ZNF487: variants seen among roughly 807,000 people sequenced by gnomAD.
ZNF487 encodes the protein KRAB domain only 1.
A neutral mutation model predicts 3.0 loss-of-function variants in ZNF487; 4 were observed. The ratio of observed to expected loss-of-function variants is 1.35; its 90% CI spans 0.66 to 3.08. ZNF487 has a LOEUF of 3.08. Ranked by LOEUF, ZNF487 falls within the 30% of genes most tolerant of loss-of-function variation. The probability of loss-of-function intolerance (pLI) is 0.01; values close to 1 mark genes in which losing one functional copy is unlikely to be tolerated. For synonymous variants in ZNF487, 55 were observed against 34.6 expected (o/e 1.59, Z -2.06); for missense variants, 146 against 98.7 (o/e 1.48, Z -2.03).
the ZNF487 span, among the ~76,000 whole-genome samples, chr10:43,498,556 G>A: frequency 3.3e-5 from 5 of 150,894 alleles, no homozygotes; most frequent in Non-Finnish European, 7.4e-5. Context: ...AGGAATACAT[G>A]CGTGAGCCAC....
At chr10:43,510,465 C>T in the ZNF487 span, among the ~76,000 whole-genome samples, 3 of 152,236 alleles carry the variant, frequency 2.0e-5, no homozygotes, top group Non-Finnish European at 2.9e-5. Context: ...GCATACTCTT[C>T]CTTACCTCCA....
At chr10:43,480,608 G>A (rs1302287448) in intron 3 of ZNF487, among the ~76,000 whole-genome samples, 2 of 151,854 alleles carry the variant, frequency 1.3e-5, no homozygotes, top group African/African-American at 2.4e-5. Flanking sequence ...TAGAGATGGG[G>A]TTTTGCCATG....
chr10:43,513,268 C>T, the ZNF487 span, among the ~76,000 whole-genome samples: 1 of 152,216 alleles, frequency 6.6e-6, no homozygotes, highest in Non-Finnish European at 1.5e-5. Context: ...CAGCTGAAGG[C>T]AAATTGCTTT....
chr10:43,507,485 C>T, the ZNF487 span, among the ~76,000 whole-genome samples: 45 of 152,312 alleles, frequency 3.0e-4, no homozygotes, highest in African/African-American at 9.9e-4. Context: ...CTCCTGGTGT[C>T]TAAGAGCATG....
In ZNF487 at chr10:43,479,852, T is replaced by C. The variant is rs145570548; in HGVS notation, c.131-1577T>C. ...TTGTATTGTTACTAGAGACGGGGTT[T>C]GCCGTGTTGGCAAGGCTGGTTTCAA... On this transcript the variant is annotated intron_variant, in intron 3 of 3. Transcript: ENST00000437590. 4.6e-4 allele frequency among the ~76,000 whole-genome samples: 70 copies of C among 152,204 alleles called. No homozygotes were observed. The East Asian group carries it at 0.013, about 28-fold the overall frequency.
At chr10:43,467,334 A>G (rs1430135916) in intron 1 of ZNF487, among the ~76,000 whole-genome samples, 1 of 151,700 alleles carries the variant, frequency 6.6e-6, no homozygotes, top group Non-Finnish European at 1.5e-5. Flanking sequence ...CCTCCCGACT[A>G]GCTGGGACTA....
intron 1 of ZNF487, among the ~76,000 whole-genome samples, chr10:43,449,678 A>ATT (rs769387408): frequency 2.3e-5 from 3 of 131,048 alleles, no homozygotes; most frequent in Admixed American, 7.6e-5. Flanking sequence ...GTATTGAAGC[A>ATT]TTTTTTTTTT....
downstream of ZNF487, among the ~76,000 whole-genome samples, chr10:43,487,133 A>T (rs1841477387): frequency 7.0e-6 from 1 of 143,210 alleles, no homozygotes; most frequent in Non-Finnish European, 1.5e-5. Flanking sequence ...CTAGTCACTA[A>T]GAATTTTTTT....
At chr10:43,516,139 C>T in the ZNF487 span, among the ~76,000 whole-genome samples, 2 of 152,154 alleles carry the variant, frequency 1.3e-5, no homozygotes, top group African/African-American at 2.4e-5. Flanking sequence ...CAACCAGCTT[C>T]ATTATGTTCC....
intron 1 of ZNF487, among the ~76,000 whole-genome samples, chr10:43,444,037 A>G (rs1839716010): frequency 6.6e-6 from 1 of 151,586 alleles, no homozygotes; most frequent in Non-Finnish European, 1.5e-5. Flanking sequence ...TATTTTTAGT[A>G]GAGATGGGGT....
the ZNF487 span, among the ~76,000 whole-genome samples, chr10:43,506,272 G>A: frequency 5.3e-5 from 8 of 152,146 alleles, no homozygotes; most frequent in African/African-American, 1.9e-4. Flanking sequence ...CCAGCACTTT[G>A]GGAGGTCAAG....
intron 1 of ZNF487, among the ~76,000 whole-genome samples, chr10:43,444,096 G>A (rs1247547675): frequency 3.3e-5 from 5 of 150,690 alleles, no homozygotes; most frequent in East Asian, 4.0e-4. Context: ...CTCGTGATCC[G>A]CCTGCCTCGG....
intron 1 of ZNF487, among the ~76,000 whole-genome samples, chr10:43,473,560 C>T (rs1214566155): frequency 6.6e-6 from 1 of 151,532 alleles, no homozygotes; most frequent in Non-Finnish European, 1.5e-5. Context: ...GCTTTGTTGC[C>T]CAGGCTGGAG....
downstream of ZNF487, among the ~76,000 whole-genome samples, chr10:43,487,246 T>A (rs1276891793): frequency 1.3e-5 from 2 of 151,370 alleles, no homozygotes; most frequent in Non-Finnish European, 2.9e-5. Context: ...ATCAAGCGAT[T>A]CTCCTGCCTC....
At chr10:43,478,401 A>G (rs1171210299) in intron 3 of ZNF487, among the ~76,000 whole-genome samples, 1 of 152,126 alleles carries the variant, frequency 6.6e-6, no homozygotes. Context: ...CTAAAAATAC[A>G]AAATTAGCCG....
At chr10:43,514,704 T>C in the ZNF487 span, among the ~76,000 whole-genome samples, 22 of 152,302 alleles carry the variant, frequency 1.4e-4, no homozygotes, top group South Asian at 4.6e-3. Context: ...GATCCAATTA[T>C]TCCCATTATA....
chr10:43,473,289 T>C (rs1379961010), intron 1 of ZNF487, among the ~76,000 whole-genome samples: 1 of 151,446 alleles, frequency 6.6e-6, no homozygotes, highest in East Asian at 2.0e-4. Flanking sequence ...GGTTTCACCA[T>C]GTTGGCCAGG....
intron 1 of ZNF487, among the ~76,000 whole-genome samples, chr10:43,470,665 G>A (rs1018268307): frequency 2.6e-5 from 4 of 151,480 alleles, no homozygotes; most frequent in Admixed American, 1.3e-4. Flanking sequence ...GATTACAGGC[G>A]TGAGCCAGCA....
chr10:43,438,433 G>A (rs1839462645), intron 1 of ZNF487, among the ~76,000 whole-genome samples: 1 of 152,172 alleles, frequency 6.6e-6, no homozygotes. Flanking sequence ...TGATCCACCT[G>A]CCTCAGCCCC....
Sources: allele counts gnomAD v4.1 joint callset (sites outside exome capture counted in the v4.1 genomes callset), GRCh38; gene constraint gnomAD v4.1.1; transcripts MANE v1.5; gene names NCBI Gene and HGNC (gene_info 2026-07-23, HGNC 2026-07-21).